Variants in MASP2 observed in about 807,000 individuals in gnomAD.
MASP2 encodes MBL associated serine protease 2, also known as mannan-binding lectin serine protease 2.
MASP2 carries 49 observed loss-of-function variants against 57.1 expected under a neutral mutation model. The observed-to-expected ratio is 0.86, with a 90% CI of 0.68 to 1.09. The LOEUF is 1.09. MASP2 is among the 50% of genes least tolerant of loss of function. The probability of loss-of-function intolerance (pLI) is 0.00; values close to 1 mark genes in which losing one functional copy is unlikely to be tolerated. For synonymous variants in MASP2, 379 were observed against 340.8 expected, an observed-to-expected ratio of 1.11 and a Z score of -1.24; for missense variants, 900 against 874.8, an observed-to-expected ratio of 1.03 and a Z score of -0.36.
Position 11,045,502 on chromosome 1 carries a change from G to A in MASP2, c.450C>T (p.Pro150=). ...GGTTGTGGCAGTGGTGGTCGCAGGT[G>A]GGCGCCTCTCCCGGGGCCACCTGGC... ...DECQVAPGEA[P]TCDHHCHNHL... is the part of the protein sequence containing the mutation. The change falls in exon 4 of 11, where the codon CCC becomes CCT. Residue 150 remains proline (P), a synonymous_variant. Transcript: ENST00000400897. The A allele has an allele frequency of 1.2e-6, 2 of 1,611,256 alleles. No homozygotes were observed. The highest frequency in any genetic ancestry group is 1.1e-5 in the South Asian group (1 of 91,032).
chr1:11,027,461 C>T lies in MASP2; in HGVS notation c.1485G>A (p.Leu495=). ...TTTTCAGGGTGCCCATTCGAATGTCCAGGGCGGATGCATCATGTTTTTGCT... is the reference window on the plus strand; with the variant it reads ...TTTTCAGGGTGCCCATTCGAATGTCTAGGGCGGATGCATCATGTTTTTGCT... The part of the protein sequence containing the change: ...VYEQKHDASA[L]DIRMGTLKRL... The change falls in exon 11 of 11, where the codon CTG becomes CTA. Residue 495 remains leucine, a synonymous_variant. Transcript: ENST00000400897. The T allele has an allele frequency of 6.2e-7, 1 of 1,614,040 alleles. No homozygotes were observed. Among genetic ancestry groups the T allele is most frequent in the Non-Finnish European group, 8.5e-7 (1 of 1,179,964 alleles).
intron 9 of MASP2, chr1:11,030,470 A>C (rs557818484): frequency 1.2e-5 from 7 of 581,934 alleles, no homozygotes; most frequent in Non-Finnish European, 2.1e-5. Flanking sequence ...ATATGTATCA[A>C]GATCTCAAGT....
chr1:11,026,600 C>T lies in MASP2; in HGVS notation c.*285G>A, dbSNP rs1389133573. 1 of 259,018 alleles carries T rather than the reference C, an allele frequency of 3.9e-6. No individual in the cohort carries two copies. The highest frequency in any genetic ancestry group is 7.2e-6 in the Non-Finnish European group (1 of 138,500). The allele number at this position is 259,018 out of a possible 1,614,324, so 16.0% of individuals were successfully genotyped here. The stretch of plus-strand genomic sequence containing the variant: ...TGCCAACAGCCAGTATGAAAAGAGA[C>T]TGGCTTTTTAAGGTAATGAAATGTA... On this transcript the variant is annotated 3_prime_UTR_variant, in exon 11 of 11. Transcript: ENST00000400897.
At chr1:11,043,795 T>A (rs1557676340) in intron 4 of MASP2, among the ~76,000 whole-genome samples, 1 of 151,880 alleles carries the variant, frequency 6.6e-6, no homozygotes, top group East Asian at 1.9e-4. Flanking sequence ...CAGGCAGCAC[T>A]CGGGATGGAG....
rs1280522710 is a variant in MASP2, at chr1:11,043,396, C to T, written c.684G>A (p.Val228=). The part of the protein sequence containing the change: ...EEGFSVILDF[V]ESFDVETHPE... ...GGTGTGTCTCCACATCGAAGGACTC[C>T]ACAAAGTCCAGAATGACACTGAACC... Residue 228 remains valine (V), a synonymous_variant, in exon 5 of 11, where the codon GTG becomes GTA. Transcript: ENST00000400897. The T allele has an allele frequency of 2.5e-6, 4 of 1,610,366 alleles. No individual in the cohort carries two copies. The highest frequency in any genetic ancestry group is 3.4e-5 in the Admixed American group (2 of 59,558).
intron 6 of MASP2, among the ~76,000 whole-genome samples, chr1:11,039,878 GGATGGATGGATGGATGGATGGATA>G (rs1341992488): frequency 1.0e-4 from 10 of 95,320 alleles, no homozygotes; most frequent in Non-Finnish European, 2.7e-4. Context: ...ATGGATGGAT[GGATGGATGGATGGATGGATGGATA>G]GATGGATGGA....
At chr1:11,035,436 A>G (rs1643879782) in intron 7 of MASP2, among the ~76,000 whole-genome samples, 1 of 152,058 alleles carries the variant, frequency 6.6e-6, no homozygotes, top group Non-Finnish European at 1.5e-5. Context: ...TTGAGGCAGG[A>G]GAATTGCTTG....
intron 3 of MASP2, chr1:11,046,131 G>A (rs534660443): frequency 3.6e-4 from 103 of 286,110 alleles, no homozygotes; most frequent in Admixed American, 1.1e-3. Context: ...TCCTGCCTCA[G>A]CCTCCCTAGT....
At position 11,035,005 on chromosome 1, in the gene MASP2, G is replaced by T. The variant is rs552273894; in HGVS notation, c.1009-99C>A. ...AGCAGTTCCTATTCTAGTGTTTTAC[G>T]AGGTGCTCCTGAAGGGGGTGGCAGC... On this transcript the variant is annotated intron_variant, in intron 7 of 10. Coordinates refer to ENST00000400897, the MANE Select transcript of MASP2 (RefSeq NM_006610.4). 28 of 794,278 alleles carry T rather than the reference G, an allele frequency of 3.5e-5. No homozygotes were observed. In the South Asian group the frequency reaches 5.0e-4, roughly 14 times the overall value. The allele number at this position is 794,278 out of a possible 1,614,324, so 49.2% of individuals were successfully genotyped here.
chr1:11,037,707 AG>A lies in MASP2; in HGVS notation c.993del (p.Tyr332MetfsTer10), dbSNP rs771939072. The A allele has an allele frequency of 2.5e-6, 4 of 1,610,334 alleles. No homozygotes were observed. The highest frequency in any genetic ancestry group is 3.4e-6 in the Non-Finnish European group (4 of 1,178,366). ...TTTTAACTCACTTGCAGAAGCTCAT[AG>A]CCAGTCTCGCAAAAGATGGAGAAGC... Reference protein sequence around the residue: ...KDSFSIFCETGYELLQGHLPL... With the variant: ...KDSFSIFCETXYELLQGHLPL... On this transcript the variant is annotated frameshift_variant, in exon 7 of 11. Coordinates refer to ENST00000400897, the MANE Select transcript of MASP2 (RefSeq NM_006610.4). LOFTEE classifies it high-confidence loss of function.
At chr1:11,046,104 G>A (rs939092885) in intron 3 of MASP2, 9 of 263,222 alleles carry the variant, frequency 3.4e-5, no homozygotes, top group African/African-American at 1.8e-4. Flanking sequence ...CCTCCACCTC[G>A]CAGGTTCAAG....
At chr1:11,046,107 G>A (rs1454865917) in intron 3 of MASP2, 3 of 274,688 alleles carry the variant, frequency 1.1e-5, no homozygotes, top group Non-Finnish European at 2.2e-5. Flanking sequence ...CCACCTCGCA[G>A]GTTCAAGCAA....
chr1:11,033,343 AAAAG>A (rs900902659), intron 8 of MASP2, among the ~76,000 whole-genome samples: 25 of 150,542 alleles, frequency 1.7e-4, no homozygotes, highest in Admixed American at 5.9e-4. Flanking sequence ...AAAAAAAAGA[AAAAG>A]AAAAAAATAT....
chr1:11,030,626 G>T, intron 9 of MASP2, 122 bp downstream of exon 9: 1 of 1,087,034 alleles, frequency 9.2e-7, no homozygotes, highest in Non-Finnish European at 1.3e-6. Flanking sequence ...TAGCGGATGG[G>T]AGAAGTGGCT....
In MASP2 at chr1:11,031,636, G is replaced by C. The variant is rs187657757; in HGVS notation, c.1088-754C>G. On this transcript the variant is annotated intron_variant, in intron 8 of 10. Transcript: ENST00000400897. Reference sequence around the variant, plus strand: ...AGTAAGGGTAGAAAAGGACACGATAGTAAGATTGGAGGAGCTGGGCTCGGT... The same window carrying C: ...AGTAAGGGTAGAAAAGGACACGATACTAAGATTGGAGGAGCTGGGCTCGGT... Among the ~76,000 whole-genome samples, 669 of 151,786 alleles carry C rather than the reference G, an allele frequency of 4.4e-3. 2 individuals are homozygous for C. Among genetic ancestry groups the C allele is most frequent in the South Asian group, 8.0e-3 (38 of 4,772 alleles).
chr1:11,027,022 T>C lies in MASP2; in HGVS notation c.1924A>G (p.Ser642Gly), dbSNP rs138855941. 1.1e-4 allele frequency: 170 copies of C among 1,598,174 alleles called. No homozygotes were observed. The African/African-American group carries it at 2.0e-3, about 19-fold the overall frequency. The stretch of plus-strand genomic sequence containing the variant: ...CCCACAAACCACCTCTCTGTTTCAC[T>C]ATCTAGAAACACCAGTGCCCCTCCG... ...DSGGALVFLD[S>G]ETERWFVGGI... The change falls in exon 11 of 11, where the codon AGT becomes GGT. Residue 642 changes from serine to glycine, a missense_variant. Transcript: ENST00000400897.
rs374270793 is a variant in MASP2 at position 11,030,209 on chromosome 1, T to C, written c.1264A>G (p.Lys422Glu). ...CAGACTGGGAGTGATTTTTCTCCTT[T>C]GGAGCTCGTCCAGAATCCATCAGCC... ...CEADGFWTSS[K>E]GEKSLPVCEP... Residue 422 changes from lysine (K) to glutamate (E), a missense_variant, in exon 10 of 11, where the codon AAA (lysine) becomes GAA (glutamate). Physicochemically the swap from Lys to Glu is moderately conservative, Grantham distance 56. Transcript: ENST00000400897. 3.1e-6 allele frequency: 5 copies of C among 1,613,536 alleles called. No homozygotes were observed. The African/African-American group carries it at 6.7e-5, about 22-fold the overall frequency.
chr1:11,043,584 C>T lies in MASP2; in HGVS notation c.545-49G>A, dbSNP rs556379403. The T allele has an allele frequency of 7.5e-6, 10 of 1,332,980 alleles. No individual in the cohort carries two copies. In the South Asian group the frequency reaches 1.3e-4, roughly 17 times the overall value. 82.6% of individuals were successfully genotyped at this position (1,332,980 alleles called of 1,614,324 possible). On this transcript the variant is annotated intron_variant, in intron 4 of 10. Coordinates refer to ENST00000400897, the MANE Select transcript of MASP2 (RefSeq NM_006610.4). The stretch of plus-strand genomic sequence containing the variant: ...GTGACTTGGCGTGCCCTCTATCAGC[C>T]CTCGCACCAACAGCAGGGTGGATGC...
At position 11,027,421 on chromosome 1, in the gene MASP2, A is replaced by T. The variant is rs1643756342; in HGVS notation, c.1525T>A (p.Tyr509Asn). ...MGTLKRLSPH[Y>N]TQAWSEAVFI... ...ACAGCTTCAGACCAGGCTTGTGTATAATGAGGTGATAGTCTTTTCAGGGTG... is the reference window on the plus strand; with the variant it reads ...ACAGCTTCAGACCAGGCTTGTGTATTATGAGGTGATAGTCTTTTCAGGGTG... Residue 509 changes from tyrosine (Y) to asparagine (N), a missense_variant, in exon 11 of 11, where the codon TAT becomes AAT. Transcript: ENST00000400897. 6.2e-7 allele frequency: 1 copy of T among 1,614,230 alleles called. No individual in the cohort carries two copies. The highest frequency in any genetic ancestry group is 8.5e-7 in the Non-Finnish European group (1 of 1,180,034).
Sources: gnomAD v4.1 joint callset for allele counts (sites outside exome capture counted in the v4.1 genomes callset) on GRCh38, gnomAD v4.1.1 for gene constraint, MANE v1.5 for transcripts, NCBI Gene and HGNC (gene_info 2026-07-23, HGNC 2026-07-21) for gene names.